NME7: variants seen among roughly 807,000 people sequenced by gnomAD.
The protein encoded by NME7 is NME/NM23 family member 7.
In NME7, 41 loss-of-function variants were observed where a neutral mutation model predicts 49.1. That is an observed-to-expected ratio of 0.83 (90% CI 0.65 to 1.08). The LOEUF is 1.08. Among genes scored for constraint, NME7 ranks in the 50% least tolerant of loss-of-function variants. NME7 has a pLI of 0.00. For missense variants in NME7, 423 were observed against 463.4 expected (o/e 0.91, Z 0.80); for synonymous variants, 139 against 150.6 (o/e 0.92, Z 0.56).
intron 11 of NME7, among the ~76,000 whole-genome samples, chr1:169,133,100 G>GTTGT (rs1202777177): frequency 6.6e-6 from 1 of 151,556 alleles, no homozygotes; most frequent in Non-Finnish European, 1.5e-5. Context: ...AAAAAAAAAA[G>GTTGT]TTGTTAGCAC....
intron 4 of NME7, among the ~76,000 whole-genome samples, chr1:169,304,573 G>GA (rs1334124488): frequency 6.6e-6 from 1 of 151,962 alleles, no homozygotes; most frequent in Non-Finnish European, 1.5e-5. Context: ...ATGGAAAGGA[G>GA]AAAAAAATCA....
chr1:169,136,267 T>TG lies in NME7; in HGVS notation c.1099-3451dup, dbSNP rs1446664726. ...TAACCAGCAGGTAAAGATTAGGCCT[T>TG]GGGGAGGTTCTGATGAGTCTGCTTT... On this transcript the variant is annotated intron_variant, in intron 11 of 11. Transcript: ENST00000367811. Among the ~76,000 whole-genome samples, 14 of 152,246 alleles carry TG rather than the reference T, an allele frequency of 9.2e-5. No homozygotes were observed. In the East Asian group the frequency reaches 2.7e-3, roughly 29 times the overall value.
intron 7 of NME7, among the ~76,000 whole-genome samples, chr1:169,252,280 G>C (rs1449689840): frequency 4.0e-5 from 6 of 151,726 alleles, no homozygotes; most frequent in Admixed American, 2.0e-4. Flanking sequence ...GTATCTCATT[G>C]TGGTTTTGAT....
At chr1:169,153,345 A>G (rs1658963337) in intron 11 of NME7, among the ~76,000 whole-genome samples, 1 of 152,128 alleles carries the variant, frequency 6.6e-6, no homozygotes, top group African/African-American at 2.4e-5. Context: ...AGTCTCCACA[A>G]TCTAGCTCTA....
intron 1 of NME7, among the ~76,000 whole-genome samples, chr1:169,331,549 G>T (rs1357245095): frequency 6.6e-6 from 1 of 152,090 alleles, no homozygotes; most frequent in Non-Finnish European, 1.5e-5. Context: ...GTTTACAGAT[G>T]ATATGATTTT....
chr1:169,363,863 G>A (rs550348029), intron 1 of NME7, among the ~76,000 whole-genome samples: 60 of 152,308 alleles, frequency 3.9e-4, no homozygotes, highest in Middle Eastern at 3.4e-3. Flanking sequence ...GGCAGGAGGA[G>A]TGGGAACAGG....
At chr1:169,190,360 T>A (rs1340146836) in intron 10 of NME7, among the ~76,000 whole-genome samples, 1 of 145,336 alleles carries the variant, frequency 6.9e-6, no homozygotes, top group East Asian at 2.2e-4. Flanking sequence ...AATGATTATA[T>A]AATCTTAATT....
Position 169,192,974 on chromosome 1 carries a change from C to T in NME7, c.991-23420G>A, listed in dbSNP as rs571509622. Among the ~76,000 whole-genome samples, 47 of 151,542 alleles carry T rather than the reference C, an allele frequency of 3.1e-4. No individual in the cohort carries two copies. In the Middle Eastern group the frequency reaches 0.01, roughly 33 times the overall value. ...TAGTCAATTCCTGAAATATATATAC[C>T]GTGAGTTAATATTTTCATTATATTT... On this transcript the variant is annotated intron_variant, in intron 10 of 11. Coordinates refer to ENST00000367811, the MANE Select transcript of NME7 (RefSeq NM_013330.5).
chr1:169,316,677 C>G (rs1242375321), intron 3 of NME7, among the ~76,000 whole-genome samples: 1 of 152,102 alleles, frequency 6.6e-6, no homozygotes, highest in Admixed American at 6.6e-5. Flanking sequence ...AGGACTCAAG[C>G]CTGCTATTGG....
intron 5 of NME7, among the ~76,000 whole-genome samples, chr1:169,302,859 T>C (rs1373210059): frequency 3.3e-5 from 5 of 152,170 alleles, no homozygotes; most frequent in Admixed American, 1.3e-4. Context: ...TAATTATCAC[T>C]CCATTTTTAA....
intron 9 of NME7, among the ~76,000 whole-genome samples, chr1:169,233,870 C>T (rs995754471): frequency 6.6e-6 from 1 of 152,102 alleles, no homozygotes; most frequent in African/African-American, 2.4e-5. Flanking sequence ...TAAATTTTGT[C>T]TGCTCTTCTC....
intron 10 of NME7, among the ~76,000 whole-genome samples, chr1:169,213,522 C>A (rs1660890735): frequency 6.6e-6 from 1 of 152,146 alleles, no homozygotes; most frequent in Admixed American, 6.5e-5. Context: ...TTTCCCTGAT[C>A]AATAAGGCTG....
chr1:169,280,251 C>G (rs1026994076), intron 7 of NME7, among the ~76,000 whole-genome samples: 2 of 151,642 alleles, frequency 1.3e-5, no homozygotes, highest in African/African-American at 4.8e-5. Context: ...GTTGGCTGCA[C>G]TTCTTTTGAG....
chr1:169,188,775 T>C (rs1660143247), intron 10 of NME7, among the ~76,000 whole-genome samples: 1 of 152,208 alleles, frequency 6.6e-6, no homozygotes, highest in African/African-American at 2.4e-5. Context: ...TTTTGACTTC[T>C]CATATAATTG....
chr1:169,324,773 C>T (rs1453774118), intron 1 of NME7, among the ~76,000 whole-genome samples: 1 of 152,186 alleles, frequency 6.6e-6, no homozygotes, highest in African/African-American at 2.4e-5. Flanking sequence ...AGTAAATTAA[C>T]GTTTTCTGAG....
At chr1:169,254,297 T>C (rs1225314457) in intron 7 of NME7, among the ~76,000 whole-genome samples, 2 of 151,952 alleles carry the variant, frequency 1.3e-5, no homozygotes, top group Non-Finnish European at 2.9e-5. Context: ...CTTGGGAGAG[T>C]GTATGTGTCG....
intron 4 of NME7, among the ~76,000 whole-genome samples, chr1:169,303,705 G>T (rs975165126): frequency 1.3e-5 from 2 of 152,104 alleles, no homozygotes; most frequent in Admixed American, 1.3e-4. Context: ...ACCCACCTCG[G>T]CCTCTCAAAG....
At chr1:169,227,167 T>C (rs1172059777) in intron 10 of NME7, among the ~76,000 whole-genome samples, 1 of 152,230 alleles carries the variant, frequency 6.6e-6, no homozygotes, top group Non-Finnish European at 1.5e-5. Context: ...CTCTTCTTTC[T>C]ATGATCGTGA....
At chr1:169,336,323 A>G (rs867598126) in intron 1 of NME7, among the ~76,000 whole-genome samples, 1 of 152,128 alleles carries the variant, frequency 6.6e-6, no homozygotes, top group Non-Finnish European at 1.5e-5. Flanking sequence ...AAGCTTCCAC[A>G]GTGTGGAAGG....
Sources: allele counts gnomAD v4.1 joint callset (sites outside exome capture counted in the v4.1 genomes callset), GRCh38; gene constraint gnomAD v4.1.1; transcripts MANE v1.5; gene names NCBI Gene and HGNC (gene_info 2026-07-23, HGNC 2026-07-21).